Variants in FGF14 observed in about 807,000 individuals in gnomAD.
The protein encoded by FGF14 is fibroblast growth factor homologous factor 4.
A neutral mutation model predicts 25.5 loss-of-function variants in FGF14; 5 were observed. The observed-to-expected ratio is 0.20, with a 90% CI of 0.10 to 0.41. The LOEUF is 0.41. Ranked by LOEUF, FGF14 falls within the 10% of genes least tolerant of loss-of-function variation. FGF14 has a pLI of 1.00. For missense variants in FGF14, 222 were observed against 320.1 expected (o/e 0.69, Z 2.34); for synonymous variants, 138 against 118.3 (o/e 1.17, Z -1.08).
intron 3 of FGF14, among the ~76,000 whole-genome samples, chr13:101,741,938 T>C (rs992012018): frequency 6.6e-6 from 1 of 152,182 alleles, no homozygotes; most frequent in African/African-American, 2.4e-5. Context: ...CCTGAAGCAC[T>C]ACACTTTTAA....
Position 101,777,960 on chromosome 13 carries a change from A to G in FGF14, c.409-51150T>C, listed in dbSNP as rs150349566. Among the ~76,000 whole-genome samples, 167 of 152,246 alleles carry G rather than the reference A, an allele frequency of 1.1e-3. 1 individual carries two copies. The highest frequency in any genetic ancestry group is 3.4e-3 in the African/African-American group (141 of 41,550). ...GCCTGGGTGACAAGAGCAAGACTCC[A>G]TCTCAAAATAAAATAAAATAAAACC... is the stretch of plus-strand genomic sequence containing the variant. On this transcript the variant is annotated intron_variant, in intron 3 of 4. Transcript: ENST00000376143.
intron 3 of FGF14, among the ~76,000 whole-genome samples, chr13:101,834,047 C>A (rs2042804696): frequency 6.6e-6 from 1 of 152,028 alleles, no homozygotes; most frequent in African/African-American, 2.4e-5. Context: ...ATATCATATT[C>A]CTCTAGTGAT....
intron 1 of FGF14, among the ~76,000 whole-genome samples, chr13:102,366,127 C>A (rs1043571561): frequency 6.6e-6 from 1 of 152,056 alleles, no homozygotes; most frequent in Non-Finnish European, 1.5e-5. Context: ...ATTAAAACAG[C>A]GATATTAAGA....
intron 1 of FGF14, among the ~76,000 whole-genome samples, chr13:101,901,289 G>T (rs1209717530): frequency 2.6e-5 from 4 of 152,134 alleles, no homozygotes; most frequent in Admixed American, 6.5e-5. Context: ...CATAATTCTT[G>T]ATGTCTCCCT....
intron 2 of FGF14, among the ~76,000 whole-genome samples, chr13:101,872,969 T>G (rs2045189867): frequency 6.6e-6 from 1 of 151,908 alleles, no homozygotes; most frequent in African/African-American, 2.4e-5. Flanking sequence ...GCATTTAGAG[T>G]GTCAGAAGAA....
chr13:102,006,149 C>A (rs1462713690), intron 1 of FGF14, among the ~76,000 whole-genome samples: 1 of 152,112 alleles, frequency 6.6e-6, no homozygotes, highest in African/African-American at 2.4e-5. Flanking sequence ...AGTTTAAAAT[C>A]TTATTGGGGA....
chr13:102,295,814 T>G (rs1301176619), intron 1 of FGF14, among the ~76,000 whole-genome samples: 2 of 152,170 alleles, frequency 1.3e-5, no homozygotes, highest in African/African-American at 4.8e-5. Context: ...AAATAATGTC[T>G]GAATGGGCAG....
intron 1 of FGF14, among the ~76,000 whole-genome samples, chr13:102,013,644 A>T (rs542756954): frequency 6.6e-6 from 1 of 152,202 alleles, no homozygotes; most frequent in Admixed American, 6.5e-5. Flanking sequence ...AAACACAATG[A>T]GTGATTTCCT....
chr13:102,084,811 T>C (rs549581245), intron 1 of FGF14, among the ~76,000 whole-genome samples: 2 of 152,314 alleles, frequency 1.3e-5, no homozygotes, highest in African/African-American at 2.4e-5. Flanking sequence ...AATTTTCTCA[T>C]AAACGTGGTA....
chr13:101,765,768 C>T (rs1029075512), intron 3 of FGF14, among the ~76,000 whole-genome samples: 4 of 151,170 alleles, frequency 2.6e-5, no homozygotes, highest in South Asian at 2.1e-4. Flanking sequence ...TCGCTTTTGT[C>T]GCCCAGGCTG....
intron 3 of FGF14, among the ~76,000 whole-genome samples, chr13:101,850,346 C>T (rs1438308426): frequency 7.0e-6 from 1 of 142,856 alleles, no homozygotes; most frequent in Non-Finnish European, 1.5e-5. Context: ...CCCAGCTCCT[C>T]GGGAGGCTGA....
chr13:101,773,844 TA>T (rs1013682183), intron 3 of FGF14, among the ~76,000 whole-genome samples: 1 of 148,074 alleles, frequency 6.8e-6, no homozygotes, highest in African/African-American at 2.5e-5. Flanking sequence ...CTGTAATTTT[TA>T]AAAATGTATT....
intron 1 of FGF14, among the ~76,000 whole-genome samples, chr13:101,879,344 A>G (rs1315974475): frequency 6.6e-6 from 1 of 152,212 alleles, no homozygotes; most frequent in Non-Finnish European, 1.5e-5. Context: ...ACTAATGTGC[A>G]TACATATCAA....
chr13:101,830,325 A>G (rs943284126), intron 3 of FGF14, among the ~76,000 whole-genome samples: 3 of 152,096 alleles, frequency 2.0e-5, no homozygotes, highest in Non-Finnish European at 4.4e-5. Flanking sequence ...AAGGATAGAA[A>G]GAAGGAAAAG....
intron 1 of FGF14, among the ~76,000 whole-genome samples, chr13:102,385,172 A>G (rs1250269116): frequency 6.6e-6 from 1 of 152,220 alleles, no homozygotes; most frequent in Admixed American, 6.5e-5. Flanking sequence ...TGAATAGCCT[A>G]AAGACTTACT....
intron 1 of FGF14, among the ~76,000 whole-genome samples, chr13:102,125,671 G>C (rs1459234893): frequency 6.6e-6 from 1 of 152,150 alleles, no homozygotes; most frequent in Non-Finnish European, 1.5e-5. Flanking sequence ...TTTTGACAAA[G>C]AAGTAAGCAC....
chr13:102,179,494 ACAC>A (rs763391434), intron 1 of FGF14, among the ~76,000 whole-genome samples: 1 of 152,100 alleles, frequency 6.6e-6, no homozygotes, highest in Non-Finnish European at 1.5e-5. Flanking sequence ...GTACCTTTTA[ACAC>A]CACCACCATC....
rs2034813778 is a variant in FGF14, at chr13:101,718,717, A to G, written c.*4114T>C. 6.6e-6 allele frequency: 1 copy of G among 151,798 alleles called. No individual in the cohort carries two copies. The highest frequency in any genetic ancestry group is 1.5e-5 in the Non-Finnish European group (1 of 67,944). 9.4% of individuals were successfully genotyped at this position (151,798 alleles called of 1,614,324 possible). A position where few individuals can be genotyped will look rare whatever the true frequency, so the allele number is the denominator to read the frequency against. Reference sequence around the variant, plus strand: ...CAGCACTTGGAAAGTACCGCCCTCCACTACCTCAAATGCAAACACAATCTC... The same window carrying G: ...CAGCACTTGGAAAGTACCGCCCTCCGCTACCTCAAATGCAAACACAATCTC... On this transcript the variant is annotated 3_prime_UTR_variant, in exon 5 of 5. Coordinates refer to ENST00000376143, the MANE Select transcript of FGF14 (RefSeq NM_004115.4).
At chr13:102,109,437 T>A (rs1220668483) in intron 1 of FGF14, among the ~76,000 whole-genome samples, 2 of 152,210 alleles carry the variant, frequency 1.3e-5, no homozygotes, top group Admixed American at 1.3e-4. Flanking sequence ...CACAAAACAC[T>A]ATGTGAGTTA....
Sources: allele counts gnomAD v4.1 joint callset (sites outside exome capture counted in the v4.1 genomes callset), GRCh38; gene constraint gnomAD v4.1.1; transcripts MANE v1.5; gene names NCBI Gene and HGNC (gene_info 2026-07-23, HGNC 2026-07-21).